Variants in ZC3HAV1 observed in about 807,000 individuals in gnomAD.
ZC3HAV1 encodes zinc finger CCCH-type containing, antiviral 1, also known as zinc finger CCCH-type antiviral protein 1.
A neutral mutation model predicts 86.6 loss-of-function variants in ZC3HAV1; 41 were observed. The observed-to-expected ratio is 0.47, with a 90% CI of 0.37 to 0.61. The LOEUF (loss-of-function observed/expected upper bound fraction) is 0.61, where lower values mean the gene tolerates loss of function less well. Ranked by LOEUF, ZC3HAV1 falls within the 20% of genes least tolerant of loss-of-function variation. ZC3HAV1 has a pLI of 0.00. For synonymous variants in ZC3HAV1, 421 were observed against 432.1 expected (o/e 0.97, Z 0.32); for missense variants, 964 against 1,141.1 (o/e 0.84, Z 2.24).
chr7:139,056,837 T>C (rs1816299947), intron 9 of ZC3HAV1, among the ~76,000 whole-genome samples: 2 of 152,226 alleles, frequency 1.3e-5, no homozygotes, highest in Non-Finnish European at 2.9e-5. Flanking sequence ...TGATTTGCAA[T>C]ACCTCAACTC....
intron 7 of ZC3HAV1, among the ~76,000 whole-genome samples, chr7:139,067,491 G>A (rs1211141942): frequency 2.6e-5 from 4 of 152,006 alleles, no homozygotes; most frequent in African/African-American, 9.7e-5. Context: ...ACAGTATTTT[G>A]GCTGGACCTG....
chr7:139,054,022 A>G lies in ZC3HAV1; in HGVS notation c.2261T>C (p.Phe754Ser). ...GATCTTCTTTATCTTTTCAATCTTG[A>G]AATTTTTCATGGAAGCTTTAAAATG... The part of the protein sequence containing the change: ...SEHFKASMKN[F>S]KIEKIKKIEN... The change falls in exon 11 of 13, where the codon TTC becomes TCC. Residue 754 changes from phenylalanine (F) to serine (S), a missense_variant. Phe to Ser is a radical substitution (Grantham distance 155, BLOSUM62 -2). Transcript: ENST00000242351. 1 of 1,608,450 alleles carries G rather than the reference A, an allele frequency of 6.2e-7. No individual in the cohort carries two copies.
At chr7:139,090,579 G>A (rs1426680906) in intron 1 of ZC3HAV1, among the ~76,000 whole-genome samples, 3 of 151,854 alleles carry the variant, frequency 2.0e-5, no homozygotes, top group African/African-American at 7.3e-5. Flanking sequence ...TTTTCCTATC[G>A]TGAATTTAAA....
At chr7:139,094,169 G>A (rs1268004316) in intron 1 of ZC3HAV1, among the ~76,000 whole-genome samples, 1 of 152,116 alleles carries the variant, frequency 6.6e-6, no homozygotes, top group Non-Finnish European at 1.5e-5. Context: ...TAGACAGGAG[G>A]TCCATTAGAT....
intron 12 of ZC3HAV1, among the ~76,000 whole-genome samples, chr7:139,052,606 C>CAA (rs35386659): frequency 2.5e-3 from 160 of 64,374 alleles, no homozygotes; most frequent in East Asian, 4.2e-3. Context: ...ACTCTGTCTC[C>CAA]AAAAAAAAAA....
At chr7:139,089,288 A>C (rs1337892693) in intron 2 of ZC3HAV1, among the ~76,000 whole-genome samples, 1 of 152,020 alleles carries the variant, frequency 6.6e-6, no homozygotes, top group Non-Finnish European at 1.5e-5. Flanking sequence ...TTCCCCGCCA[A>C]CTTCCCAACC....
chr7:139,107,659 C>T (rs999071390), intron 1 of ZC3HAV1, among the ~76,000 whole-genome samples: 1 of 152,048 alleles, frequency 6.6e-6, no homozygotes, highest in Non-Finnish European at 1.5e-5. Flanking sequence ...AAAAATTGGC[C>T]GGGTGCGATG....
At position 139,079,958 on chromosome 7, in the gene ZC3HAV1, T is replaced by C. The variant is rs943322783; in HGVS notation, c.983A>G (p.Gln328Arg). ...LGGTSQAGTS[Q>R]RFLENGSQED... ...TTGACTGCCGTTCTCTAAAAACCTC[T>C]GGCTTGTCCCGGCCTGACTTGTTCC... The change falls in exon 4 of 13, where the codon CAG (glutamine) becomes CGG (arginine). Residue 328 changes from glutamine (Q) to arginine (R), a missense_variant. Transcript: ENST00000242351. 4 of 1,614,190 alleles carry C rather than the reference T, an allele frequency of 2.5e-6. No individual in the cohort carries two copies. The highest frequency in any genetic ancestry group is 1.7e-5 in the Admixed American group (1 of 60,022).
In ZC3HAV1 at chr7:139,090,402, T is replaced by C. The variant is rs561497884; in HGVS notation, c.309-643A>G. Among the ~76,000 whole-genome samples, 115 of 152,314 alleles carry C rather than the reference T, an allele frequency of 7.6e-4. 1 individual carries two copies. The highest frequency in any genetic ancestry group is 3.4e-3 in the Middle Eastern group (1 of 294). The stretch of plus-strand genomic sequence containing the variant: ...ACCACACCCAGCCTATTATTTTCAT[T>C]ATAAACATTTTATTAGGGAATAAAA... On this transcript the variant is annotated intron_variant, in intron 1 of 12. Coordinates refer to ENST00000242351, the MANE Select transcript of ZC3HAV1 (RefSeq NM_020119.4).
In ZC3HAV1 at chr7:139,054,224, T is replaced by C. The variant is rs532404574; in HGVS notation, c.2188-129A>G. The C allele has an allele frequency of 5.1e-5, 48 of 947,780 alleles. No homozygotes were observed. In the African/African-American group the frequency reaches 8.2e-4, roughly 16 times the overall value. 58.7% of individuals were successfully genotyped at this position (947,780 alleles called of 1,614,324 possible). ...CTTTCTAACAGCAGATAGGATGAGC[T>C]GGCTTAGGGTTCCCACATCTGCCAA... is the stretch of plus-strand genomic sequence containing the variant. On this transcript the variant is annotated intron_variant, in intron 10 of 12. Transcript: ENST00000242351.
At chr7:139,081,142 G>A (rs958929098) in intron 3 of ZC3HAV1, among the ~76,000 whole-genome samples, 2 of 152,080 alleles carry the variant, frequency 1.3e-5, no homozygotes, top group Non-Finnish European at 2.9e-5. Context: ...TGTGTGTGGC[G>A]TGCATGCACG....
intron 12 of ZC3HAV1, among the ~76,000 whole-genome samples, chr7:139,048,842 CT>C (rs960631578): frequency 2.6e-5 from 4 of 152,040 alleles, no homozygotes; most frequent in Non-Finnish European, 4.4e-5. Context: ...ACTAGATATT[CT>C]GTGCAAATGA....
intron 2 of ZC3HAV1, among the ~76,000 whole-genome samples, chr7:139,087,634 C>T (rs552298252): frequency 7.2e-5 from 11 of 152,236 alleles, no homozygotes; most frequent in African/African-American, 2.6e-4. Flanking sequence ...AATCACTTCT[C>T]ATGTTATAAG....
chr7:139,109,485 C>G lies in ZC3HAV1; in HGVS notation c.-154G>C. 2 of 943,592 alleles carry G rather than the reference C, an allele frequency of 2.1e-6. No homozygotes were observed. Among genetic ancestry groups the G allele is most frequent in the Non-Finnish European group, 3.0e-6 (2 of 656,498 alleles). The allele number at this position is 943,592 out of a possible 1,614,324, so 58.5% of individuals were successfully genotyped here. A position where few individuals can be genotyped will look rare whatever the true frequency, so the allele number is the denominator to read the frequency against. On this transcript the variant is annotated 5_prime_UTR_variant, in exon 1 of 13. Transcript: ENST00000242351. ...GGGCGCGCTCTCCGTCGCCGTTAGC[C>G]CAGCCCAGCGATCCACTCTCGGCTC... is the stretch of plus-strand genomic sequence containing the variant.
rs754247898 is a variant in ZC3HAV1, at chr7:139,055,257, G to A, written c.2135C>T (p.Ala712Val). The A allele has an allele frequency of 1.1e-4, 172 of 1,613,176 alleles. No individual in the cohort carries two copies. The highest frequency in any genetic ancestry group is 1.4e-4 in the Non-Finnish European group (167 of 1,179,524). The change falls in exon 10 of 13, where the codon GCG (alanine) becomes GTG (valine). Residue 712 changes from alanine (A) to valine (V), a missense_variant. Coordinates refer to ENST00000242351, the MANE Select transcript of ZC3HAV1 (RefSeq NM_020119.4). ...AAAGTCCTCCTGAGGACGAAAGGTCGCAGTTAAAGACACTGACGAGGTCTT... is the reference window on the plus strand; with the variant it reads ...AAAGTCCTCCTGAGGACGAAAGGTCACAGTTAAAGACACTGACGAGGTCTT... Reference protein sequence around the residue: ...PAKTSSVSLTATFRPQEDFCF... With the variant: ...PAKTSSVSLTVTFRPQEDFCF...
In ZC3HAV1 at chr7:139,044,051, A is replaced by T. The variant is rs1211361084; in HGVS notation, c.*3543T>A. On this transcript the variant is annotated 3_prime_UTR_variant, in exon 13 of 13. Coordinates refer to ENST00000242351, the MANE Select transcript of ZC3HAV1 (RefSeq NM_020119.4). ...GGTTAGTGCCACACAACGAAGAATT[A>T]TTCTGTACCCTGTACGACTGTCTAA... The T allele has an allele frequency of 3.9e-5, 6 of 152,234 alleles. No homozygotes were observed. The highest frequency in any genetic ancestry group is 1.2e-4 in the African/African-American group (5 of 41,448). The allele number at this position is 152,234 out of a possible 1,614,324, so 9.4% of individuals were successfully genotyped here.
chr7:139,052,694 A>G (rs886460198), intron 12 of ZC3HAV1, among the ~76,000 whole-genome samples: 1 of 151,120 alleles, frequency 6.6e-6, no homozygotes, highest in Non-Finnish European at 1.5e-5. Context: ...AGGCCAAGGT[A>G]GGCGGATTAT....
chr7:139,090,578 C>T (rs1817400881), intron 1 of ZC3HAV1, among the ~76,000 whole-genome samples: 1 of 152,026 alleles, frequency 6.6e-6, no homozygotes, highest in Admixed American at 6.6e-5. Context: ...TTTTTCCTAT[C>T]GTGAATTTAA....
At chr7:139,101,480 C>T (rs1250127603) in intron 1 of ZC3HAV1, among the ~76,000 whole-genome samples, 9 of 107,460 alleles carry the variant, frequency 8.4e-5, no homozygotes, top group Non-Finnish European at 1.3e-4. Context: ...TGAGGAGCGC[C>T]TCAGCCCGGC....
Sources: allele counts gnomAD v4.1 joint callset (sites outside exome capture counted in the v4.1 genomes callset), GRCh38; gene constraint gnomAD v4.1.1; transcripts MANE v1.5; gene names NCBI Gene and HGNC (gene_info 2026-07-23, HGNC 2026-07-21).